Variants in DAB1 observed in about 807,000 individuals in gnomAD.
DAB1 encodes the protein disabled homolog 1.
DAB1 carries 15 observed loss-of-function variants against 64.6 expected under a neutral mutation model. That is an observed-to-expected ratio of 0.23 (90% CI 0.16 to 0.36). The LOEUF (loss-of-function observed/expected upper bound fraction) is 0.36, where lower values mean the gene tolerates loss of function less well. DAB1 is among the 10% of genes least tolerant of loss of function. The pLI is 1.00. For missense variants in DAB1, 596 were observed against 706.7 expected (o/e 0.84, Z 1.78); for synonymous variants, 235 against 251.9 (o/e 0.93, Z 0.64).
intron 1 of DAB1, among the ~76,000 whole-genome samples, chr1:57,422,247 T>G (rs892228117): frequency 4.6e-5 from 7 of 152,124 alleles, no homozygotes; most frequent in African/African-American, 1.7e-4. Flanking sequence ...ACTGTTAAAG[T>G]GTATTTAACC....
At chr1:58,490,232 C>G (rs971513202) in intron 3 of DAB1, among the ~76,000 whole-genome samples, 11 of 152,138 alleles carry the variant, frequency 7.2e-5, no homozygotes, top group Non-Finnish European at 1.3e-4. Flanking sequence ...ATAACCAATG[C>G]AGAGAAGTCC....
intron 6 of DAB1, among the ~76,000 whole-genome samples, chr1:57,804,291 T>C (rs1001133064): frequency 4.6e-5 from 7 of 152,176 alleles, no homozygotes; most frequent in Non-Finnish European, 7.3e-5. Context: ...TCCAGAAGAT[T>C]ATCTCAAACT....
At chr1:57,002,590 A>G (rs553255607) in intron 14 of DAB1, among the ~76,000 whole-genome samples, 1 of 152,224 alleles carries the variant, frequency 6.6e-6, no homozygotes, top group Non-Finnish European at 1.5e-5. Flanking sequence ...CAGTTTTCCA[A>G]TTTTGACAAT....
chr1:57,576,896 T>C (rs17116040), intron 7 of DAB1, among the ~76,000 whole-genome samples: 4,445 of 152,304 alleles, frequency 0.029, 245 homozygotes, highest in African/African-American at 0.1. Flanking sequence ...CATGTTTGCC[T>C]TACAGGCTCT....
intron 3 of DAB1, among the ~76,000 whole-genome samples, chr1:58,414,371 C>T (rs1414470619): frequency 6.6e-6 from 1 of 152,198 alleles, no homozygotes; most frequent in Non-Finnish European, 1.5e-5. Context: ...GATATGTGCT[C>T]TTTCAGCATC....
chr1:58,323,234 T>TATAATAATA lies in DAB1; in HGVS notation n.309+20109_309+20117dup, dbSNP rs146067591. Among the ~76,000 whole-genome samples the TATAATAATA allele has an allele frequency of 1.1e-3, 166 of 145,908 alleles. 1 individual carries two copies. Among genetic ancestry groups the TATAATAATA allele is most frequent in the African/African-American group, 3.2e-3 (129 of 39,950 alleles). ...TGCACATGTACCTTAGAACTTAAAGTATAATAATAATAATAATAATAATAA... is the reference window on the plus strand; with the variant it reads ...TGCACATGTACCTTAGAACTTAAAGTATAATAATAATAATAATAATAATAATAATAATAA... On this transcript the variant is annotated intron_variant and non_coding_transcript_variant, in intron 4 of 20. Transcript: ENST00000485760.
intron 1 of DAB1, among the ~76,000 whole-genome samples, chr1:57,407,767 A>AGT (rs3991224): frequency 0.11 from 16,457 of 146,682 alleles, 968 homozygotes; most frequent in Non-Finnish European, 0.16. Context: ...AGATATCTGA[A>AGT]GTGTGTGTGT....
intron 4 of DAB1, among the ~76,000 whole-genome samples, chr1:58,284,629 G>A (rs994316001): frequency 7.9e-5 from 12 of 152,370 alleles, no homozygotes; most frequent in Middle Eastern, 3.4e-3. Flanking sequence ...TCTCAAAGTC[G>A]TTTCAGTGAG....
intron 5 of DAB1, among the ~76,000 whole-genome samples, chr1:58,013,068 C>T (rs926158480): frequency 6.6e-6 from 1 of 152,136 alleles, no homozygotes; most frequent in Non-Finnish European, 1.5e-5. Context: ...AGGTAAGGGT[C>T]CTGTAACTGG....
intron 7 of DAB1, among the ~76,000 whole-genome samples, chr1:57,550,283 G>T (rs1331475594): frequency 6.6e-6 from 1 of 152,154 alleles, no homozygotes; most frequent in African/African-American, 2.4e-5. Context: ...TAGTTGACAG[G>T]AAGTGGTTAA....
chr1:57,693,356 T>C (rs140486895), intron 6 of DAB1, among the ~76,000 whole-genome samples: 178 of 152,190 alleles, frequency 1.2e-3, no homozygotes, highest in East Asian at 7.9e-3. Flanking sequence ...AGCTAGAGTA[T>C]TGTAAATGCA....
Position 57,011,198 on chromosome 1 carries a change from C to A in DAB1, c.1519G>T (p.Asp507Tyr). 1 of 1,614,096 alleles carries A rather than the reference C, an allele frequency of 6.2e-7. No individual in the cohort carries two copies. The highest frequency in any genetic ancestry group is 8.5e-7 in the Non-Finnish European group (1 of 1,179,948). The change falls in exon 13 of 15, where the codon GAC becomes TAC. Residue 507 changes from aspartate to tyrosine, a missense_variant. Asp to Tyr is a radical substitution (Grantham distance 160, BLOSUM62 -3). Around this residue, in one of 3 missense-constraint regions of DAB1, gnomAD observed 377 missense variants for 400.4 expected, o/e 0.94. Coordinates refer to ENST00000371236, the MANE Select transcript of DAB1 (RefSeq NM_001365792.1). The part of the protein sequence containing the change: ...ASHASDPTTD[D>Y]IFEEGFESPS... ...CTTTCAAAGCCCTCTTCAAAGATGT[C>A]ATCTGTGGTAGGATCACTGGCATGG...
In DAB1 at chr1:57,695,552, T is replaced by C. The variant is rs531031491; in HGVS notation, n.552-45887A>G. On this transcript the variant is annotated intron_variant and non_coding_transcript_variant, in intron 6 of 20. Coordinates refer to the DAB1 transcript ENST00000485760. ...AGGAAGGACTTTCCAATCAGGAAAA[T>C]TGCCTGTTGGAATGTGTTGCCTTGG... Among the ~76,000 whole-genome samples the C allele has an allele frequency of 2.2e-4, 34 of 152,162 alleles. No homozygotes were observed. In the South Asian group the frequency reaches 3.3e-3, roughly 15 times the overall value.
At chr1:58,531,353 T>C (rs1646431066) in intron 1 of DAB1, among the ~76,000 whole-genome samples, 1 of 152,212 alleles carries the variant, frequency 6.6e-6, no homozygotes, top group African/African-American at 2.4e-5. Context: ...AATTTGTAAG[T>C]CTAGTATTTA....
At chr1:58,065,757 G>C (rs1023036429) in intron 5 of DAB1, among the ~76,000 whole-genome samples, 33 of 152,170 alleles carry the variant, frequency 2.2e-4, no homozygotes, top group African/African-American at 8.0e-4. Flanking sequence ...GGAAGCAGGG[G>C]TCAGCAGAGG....
At chr1:57,118,697 G>A (rs1202278786) in intron 4 of DAB1, among the ~76,000 whole-genome samples, 1 of 152,152 alleles carries the variant, frequency 6.6e-6, no homozygotes, top group African/African-American at 2.4e-5. Flanking sequence ...TTTATTTGTA[G>A]ATGGAAATAA....
At chr1:57,355,873 AACACACACACACAC>A (rs10529674) in intron 1 of DAB1, among the ~76,000 whole-genome samples, 413 of 146,418 alleles carry the variant, frequency 2.8e-3, no homozygotes, top group Non-Finnish European at 3.9e-3. Context: ...AACCTCAATA[AACACACACACACAC>A]ACACACACAC....
intron 4 of DAB1, among the ~76,000 whole-genome samples, chr1:57,102,384 T>C (rs915698589): frequency 6.6e-6 from 1 of 152,216 alleles, no homozygotes; most frequent in African/African-American, 2.4e-5. Context: ...TGTGGTCATG[T>C]TTTAAGGATA....
chr1:58,472,161 C>T (rs1008193636), intron 3 of DAB1, among the ~76,000 whole-genome samples: 1 of 152,170 alleles, frequency 6.6e-6, no homozygotes, highest in Non-Finnish European at 1.5e-5. Flanking sequence ...TTATGCCCTA[C>T]CTTGATAGTC....
Sources: allele counts gnomAD v4.1 joint callset (sites outside exome capture counted in the v4.1 genomes callset), GRCh38; gene constraint gnomAD v4.1.1; regional missense constraint gnomAD v4.1.1; transcripts MANE v1.5; gene names NCBI Gene and HGNC (gene_info 2026-07-23, HGNC 2026-07-21).